XRCC6: variants seen among roughly 807,000 people sequenced by gnomAD.
The protein encoded by XRCC6 is X-ray repair cross complementing 6.
Under a neutral mutation model 65.7 loss-of-function variants are expected in XRCC6, and 5 were observed. That is an observed-to-expected ratio of 0.08 (90% CI 0.04 to 0.16). The LOEUF (loss-of-function observed/expected upper bound fraction) is 0.16, where lower values mean the gene tolerates loss of function less well. Among genes scored for constraint, XRCC6 ranks in the 10% least tolerant of loss-of-function variants. XRCC6 has a pLI of 1.00. For synonymous variants in XRCC6, 270 were observed against 270.6 expected (o/e 1.00, Z 0.02); for missense variants, 447 against 738.1 (o/e 0.61, Z 4.57).
At chr22:41,649,160 A>ATATATATATATATATATATATGTATG (rs1376197191) in intron 7 of XRCC6, among the ~76,000 whole-genome samples, 28 of 125,794 alleles carry the variant, frequency 2.2e-4, no homozygotes, top group African/African-American at 8.8e-4. Flanking sequence ...ATATATATAT[A>ATATATATATATATATATATATGTATG]TATGTATGTA....
chr22:41,624,096 G>C (rs1227089942), intron 2 of XRCC6, among the ~76,000 whole-genome samples: 1 of 151,982 alleles, frequency 6.6e-6, no homozygotes, highest in Non-Finnish European at 1.5e-5. Flanking sequence ...TAAATATACT[G>C]TAATTTGTCT....
At chr22:41,633,514 C>G (rs1319639569) in intron 3 of XRCC6, among the ~76,000 whole-genome samples, 2 of 151,850 alleles carry the variant, frequency 1.3e-5, no homozygotes, top group African/African-American at 4.8e-5. Context: ...GTAGCTGGGA[C>G]TACAGGCACC....
chr22:41,627,430 G>A (rs1254864734), intron 2 of XRCC6, among the ~76,000 whole-genome samples: 1 of 151,882 alleles, frequency 6.6e-6, no homozygotes, highest in Non-Finnish European at 1.5e-5. Context: ...GGGCCAACAT[G>A]GTAAAACTGC....
chr22:41,646,776 T>G, intron 6 of XRCC6, 120 bp from the exon 7 acceptor site: 2 of 848,800 alleles, frequency 2.4e-6, no homozygotes, highest in East Asian at 4.9e-5. Context: ...ATTTATATTT[T>G]GAGAGCTTGC....
In XRCC6 at chr22:41,637,684, C is replaced by T; in HGVS notation, c.666C>T (p.Ser222=). The change falls in exon 6 of 13, where the codon AGC becomes AGT. Residue 222 remains serine (S), a synonymous_variant. Transcript: ENST00000360079. ...DISLFYRDII[S]IAEDEDLRVH... ...CCTTGTTCTACAGAGATATCATCAG[C>T]ATAGCAGAGGATGAGGACCTCAGGG... The T allele has an allele frequency of 1.2e-6, 2 of 1,613,150 alleles. No individual in the cohort carries two copies. The highest frequency in any genetic ancestry group is 1.3e-5 in the African/African-American group (1 of 74,986).
intron 2 of XRCC6, 131 bp downstream of exon 2, chr22:41,622,217 TC>T (rs2147058142): frequency 3.0e-6 from 3 of 1,002,026 alleles, no homozygotes; most frequent in Admixed American, 2.4e-5. Flanking sequence ...ATTCTTTTCT[TC>T]CTTTGAACTT....
chr22:41,650,617 C>T (rs1237876355), intron 7 of XRCC6, 106 bp from the exon 8 acceptor site: 1 of 1,234,448 alleles, frequency 8.1e-7, no homozygotes, highest in Non-Finnish European at 1.1e-6. Flanking sequence ...CATCTTCCTG[C>T]TCCTTAGAAG....
chr22:41,658,719 T>C (rs2068070183), intron 11 of XRCC6, among the ~76,000 whole-genome samples: 1 of 152,132 alleles, frequency 6.6e-6, no homozygotes, highest in African/African-American at 2.4e-5. Flanking sequence ...ATTGAGACCA[T>C]CCTGGCCAAC....
chr22:41,648,592 T>C (rs531676103), intron 7 of XRCC6, among the ~76,000 whole-genome samples: 3 of 152,240 alleles, frequency 2.0e-5, no homozygotes, highest in South Asian at 4.1e-4. Context: ...TTACCTTTGC[T>C]CAGTCTATAG....
At chr22:41,647,386 AG>A (rs1190086629) in intron 7 of XRCC6, among the ~76,000 whole-genome samples, 1 of 152,090 alleles carries the variant, frequency 6.6e-6, no homozygotes, top group African/African-American at 2.4e-5. Flanking sequence ...GTTCAAGACC[AG>A]CCTGACCAAC....
At chr22:41,661,773 C>T (rs1032820015) in intron 12 of XRCC6, 1 of 208,324 alleles carries the variant, frequency 4.8e-6, no homozygotes, top group African/African-American at 2.3e-5. Context: ...ATCAATATAT[C>T]AAAGAGATAT....
intron 3 of XRCC6, among the ~76,000 whole-genome samples, chr22:41,634,326 T>C (rs1315391139): frequency 6.6e-6 from 1 of 151,466 alleles, no homozygotes; most frequent in Non-Finnish European, 1.5e-5. Flanking sequence ...AGCTGAGTAG[T>C]GGGGACTACA....
At chr22:41,655,942 A>C (rs1211553471) in intron 9 of XRCC6, among the ~76,000 whole-genome samples, 1 of 151,788 alleles carries the variant, frequency 6.6e-6, no homozygotes, top group East Asian at 2.0e-4. Context: ...TAAAATAGAA[A>C]AGGAGGCCAG....
intron 9 of XRCC6, among the ~76,000 whole-genome samples, chr22:41,656,074 T>TA (rs1407963565): frequency 6.8e-6 from 1 of 147,736 alleles, no homozygotes; most frequent in East Asian, 2.0e-4. Context: ...TGCAAAAAAA[T>TA]AAAAAAAAGT....
intron 5 of XRCC6, among the ~76,000 whole-genome samples, chr22:41,637,227 G>A (rs1435751892): frequency 2.6e-5 from 4 of 152,012 alleles, no homozygotes; most frequent in Non-Finnish European, 5.9e-5. Context: ...GGAATTACAG[G>A]CATGAACCAC....
intron 2 of XRCC6, among the ~76,000 whole-genome samples, chr22:41,625,164 G>A (rs2067655942): frequency 1.3e-5 from 2 of 152,112 alleles, no homozygotes; most frequent in African/African-American, 4.8e-5. Context: ...AATAAGCCAG[G>A]CGTGGTAGCG....
intron 3 of XRCC6, among the ~76,000 whole-genome samples, chr22:41,632,117 GGAAAGAGA>G (rs1412013374): frequency 2.6e-5 from 4 of 151,156 alleles, no homozygotes; most frequent in East Asian, 1.9e-4. Context: ...GGGAGACCGT[GGAAAGAGA>G]GGGAGAGGGA....
chr22:41,637,027 T>A (rs988442961), intron 5 of XRCC6, among the ~76,000 whole-genome samples: 1 of 151,552 alleles, frequency 6.6e-6, no homozygotes, highest in Non-Finnish European at 1.5e-5. Context: ...ACACTGCAGA[T>A]GGCCATGCCA....
chr22:41,637,538 T>A, intron 5 of XRCC6, 70 bp from the exon 6 acceptor site: 1 of 1,343,592 alleles, frequency 7.4e-7, no homozygotes, highest in South Asian at 1.5e-5. Context: ...GTTTCAGTTT[T>A]AACTGAAAGA....
Sources: allele counts gnomAD v4.1 joint callset (sites outside exome capture counted in the v4.1 genomes callset), GRCh38; gene constraint gnomAD v4.1.1; transcripts MANE v1.5; gene names NCBI Gene and HGNC (gene_info 2026-07-23, HGNC 2026-07-21).